The following NCAM1 variants were observed in gnomAD, a reference collection of about 807,000 sequenced individuals.
NCAM1 encodes the protein neural cell adhesion molecule 1, also known as antigen recognized by monoclonal antibody 5.1H11.
NCAM1 carries 14 observed loss-of-function variants against 109.8 expected under a neutral mutation model. The ratio of observed to expected loss-of-function variants is 0.13; its 90% confidence interval spans 0.08 to 0.20. The LOEUF (loss-of-function observed/expected upper bound fraction) is 0.20. NCAM1 is among the 10% of genes least tolerant of loss of function. The pLI is 1.00. For missense variants in NCAM1, 774 were observed against 1,109.9 expected, an observed-to-expected ratio of 0.70 and a Z score of 4.30; for synonymous variants, 418 against 442.9, an observed-to-expected ratio of 0.94 and a Z score of 0.70.
intron 1 of NCAM1, among the ~76,000 whole-genome samples, chr11:112,976,647 G>T (rs2155288): frequency 0.14 from 20,511 of 151,744 alleles, 1,429 homozygotes; most frequent in African/African-American, 0.15. Context: ...AAAACCTGAA[G>T]GTATGTAGAT....
chr11:113,150,486 A>G (rs1942186168), intron 1 of NCAM1, among the ~76,000 whole-genome samples: 1 of 152,166 alleles, frequency 6.6e-6, no homozygotes, highest in African/African-American at 2.4e-5. Context: ...CCAAGTTGCT[A>G]TATTTAATTC....
intron 1 of NCAM1, among the ~76,000 whole-genome samples, chr11:113,079,866 A>G (rs1339650826): frequency 6.6e-6 from 1 of 152,192 alleles, no homozygotes; most frequent in African/African-American, 2.4e-5. Context: ...CGAGATTGGC[A>G]TATTAGAGAA....
At chr11:113,257,465 G>A (rs1482582628) in intron 16 of NCAM1, among the ~76,000 whole-genome samples, 7 of 152,204 alleles carry the variant, frequency 4.6e-5, no homozygotes, top group Non-Finnish European at 1.0e-4. Flanking sequence ...AACCTGAAAT[G>A]CACCTGACAC....
chr11:113,103,972 A>G (rs1029435942), intron 1 of NCAM1, among the ~76,000 whole-genome samples: 7 of 152,072 alleles, frequency 4.6e-5, no homozygotes, highest in Admixed American at 4.6e-4. Flanking sequence ...TTGTAGCTAC[A>G]GGGCCTTACA....
intron 15 of NCAM1, among the ~76,000 whole-genome samples, chr11:113,249,252 C>T (rs891278421): frequency 6.6e-6 from 1 of 152,186 alleles, no homozygotes; most frequent in Non-Finnish European, 1.5e-5. Context: ...TTTTTCACAG[C>T]TGTGTGTCTG....
At chr11:113,045,922 G>T in intron 1 of NCAM1, among the ~76,000 whole-genome samples, 1 of 151,200 alleles carries the variant, frequency 6.6e-6, no homozygotes, top group East Asian at 1.9e-4. Context: ...TAGAAATTTT[G>T]TCATTTAAAG....
intron 1 of NCAM1, among the ~76,000 whole-genome samples, chr11:113,131,860 G>A (rs924004505): frequency 6.6e-5 from 10 of 152,302 alleles, no homozygotes; most frequent in Admixed American, 1.3e-4. Context: ...CTTACTGGTC[G>A]GGAGATGAGG....
chr11:113,090,279 A>G (rs1939281665), intron 1 of NCAM1, among the ~76,000 whole-genome samples: 1 of 152,228 alleles, frequency 6.6e-6, no homozygotes, highest in Non-Finnish European at 1.5e-5. Context: ...TCTTGCATGA[A>G]TTATTACTTA....
intron 17 of NCAM1, chr11:113,263,658 G>A: frequency 1.0e-6 from 1 of 985,590 alleles, no homozygotes; most frequent in Non-Finnish European, 1.2e-6. Context: ...TTTGAAAGGT[G>A]TTTGTCTCCC....
intron 1 of NCAM1, among the ~76,000 whole-genome samples, chr11:113,014,014 G>A (rs1342769941): frequency 6.6e-6 from 1 of 151,566 alleles, no homozygotes; most frequent in East Asian, 1.9e-4. Context: ...TTTTCCTTGT[G>A]ACTTTTTATT....
intron 1 of NCAM1, among the ~76,000 whole-genome samples, chr11:113,058,849 G>A (rs762368848): frequency 6.6e-6 from 1 of 152,200 alleles, no homozygotes; most frequent in Admixed American, 6.5e-5. Flanking sequence ...ATATTCTCCT[G>A]ACAGACACAC....
chr11:113,106,945 G>A (rs1159029325), intron 1 of NCAM1, among the ~76,000 whole-genome samples: 1 of 152,134 alleles, frequency 6.6e-6, no homozygotes, highest in African/African-American at 2.4e-5. Context: ...TCTCCTCCTC[G>A]ATTTTCTAAG....
intron 1 of NCAM1, among the ~76,000 whole-genome samples, chr11:113,031,448 T>C (rs990268779): frequency 6.6e-6 from 1 of 151,992 alleles, no homozygotes; most frequent in Non-Finnish European, 1.5e-5. Flanking sequence ...TCTCAGAAGT[T>C]TGGGAGGCCG....
At chr11:113,132,367 A>G in intron 1 of NCAM1, among the ~76,000 whole-genome samples, 1 of 152,202 alleles carries the variant, frequency 6.6e-6, no homozygotes, top group Non-Finnish European at 1.5e-5. Context: ...CTAGGAAAAG[A>G]TGAAACAAAG....
chr11:113,149,466 TA>T (rs1409074584), intron 1 of NCAM1, among the ~76,000 whole-genome samples: 5 of 152,124 alleles, frequency 3.3e-5, no homozygotes, highest in South Asian at 4.2e-4. Flanking sequence ...GGAGAGTAGA[TA>T]AATGGAAGAA....
At chr11:113,114,713 C>T (rs1940613375) in intron 1 of NCAM1, among the ~76,000 whole-genome samples, 1 of 152,174 alleles carries the variant, frequency 6.6e-6, no homozygotes. Flanking sequence ...AAAAATCCTG[C>T]CTAGCCTGTG....
chr11:113,223,905 G>T (rs1944758143), intron 9 of NCAM1, among the ~76,000 whole-genome samples: 1 of 152,216 alleles, frequency 6.6e-6, no homozygotes, highest in Non-Finnish European at 1.5e-5. Context: ...TAGACTCACG[G>T]GTAAAGACTT....
intron 9 of NCAM1, among the ~76,000 whole-genome samples, chr11:113,226,729 T>C (rs1555116300): frequency 6.6e-6 from 1 of 152,152 alleles, no homozygotes. Flanking sequence ...TAACAAACTG[T>C]CTCTCAGACC....
At chr11:113,227,304 C>T (rs1197348467) in intron 9 of NCAM1, among the ~76,000 whole-genome samples, 2 of 152,154 alleles carry the variant, frequency 1.3e-5, no homozygotes, top group Non-Finnish European at 2.9e-5. Flanking sequence ...CTATAAACAC[C>T]TCTATGCAAA....
Sources: gnomAD v4.1 joint callset for allele counts (sites outside exome capture counted in the v4.1 genomes callset) on GRCh38, gnomAD v4.1.1 for gene constraint, MANE v1.5 for transcripts, NCBI Gene and HGNC (gene_info 2026-07-23, HGNC 2026-07-21) for gene names.